Variants in LITAF observed in about 807,000 individuals in gnomAD.
The protein encoded by LITAF is lipopolysaccharide-induced tumor necrosis factor-alpha factor.
LITAF carries 9 observed loss-of-function variants against 14.5 expected under a neutral mutation model. That is an observed-to-expected ratio of 0.62 (90% CI 0.37 to 1.08). The LOEUF (loss-of-function observed/expected upper bound fraction) is 1.08, where lower values mean the gene tolerates loss of function less well. LITAF is among the 50% of genes least tolerant of loss of function. LITAF has a pLI of 0.01. For missense variants in LITAF, 206 were observed against 213.4 expected, an observed-to-expected ratio of 0.97 and a Z score of 0.22; for synonymous variants, 98 against 88.2, an observed-to-expected ratio of 1.11 and a Z score of -0.62.
chr16:11,575,251 G>A (rs2064613396), intron 1 of LITAF, among the ~76,000 whole-genome samples: 1 of 152,158 alleles, frequency 6.6e-6, no homozygotes, highest in African/African-American at 2.4e-5. Flanking sequence ...AACCAACAGG[G>A]GCAGATGTGG....
chr16:11,638,080 A>ATATC (rs770980615), upstream of LITAF, among the ~76,000 whole-genome samples: 9 of 88,842 alleles, frequency 1.0e-4, 1 homozygote, highest in Non-Finnish European at 1.8e-4. Flanking sequence ...ATATATATCT[A>ATATC]TATCTATCTA....
At chr16:11,608,286 G>C (rs963792953) in intron 3 of LITAF, among the ~76,000 whole-genome samples, 1 of 152,220 alleles carries the variant, frequency 6.6e-6, no homozygotes, top group African/African-American at 2.4e-5. Flanking sequence ...TCGTTATGGT[G>C]AGAAGAACGG....
intron 3 of LITAF, among the ~76,000 whole-genome samples, chr16:11,552,655 C>G (rs1293275686): frequency 6.6e-6 from 1 of 152,086 alleles, no homozygotes; most frequent in African/African-American, 2.4e-5. Context: ...GACGGAAGAC[C>G]AATTTCTGGG....
chr16:11,638,945 G>A (rs976535056), upstream of LITAF, among the ~76,000 whole-genome samples: 4 of 151,370 alleles, frequency 2.6e-5, no homozygotes, highest in Non-Finnish European at 4.4e-5. Flanking sequence ...ATTTAAACGC[G>A]TAACAAATTG....
intron 1 of LITAF, among the ~76,000 whole-genome samples, chr16:11,577,582 T>C (rs1383083073): frequency 6.6e-6 from 1 of 151,874 alleles, no homozygotes; most frequent in Non-Finnish European, 1.5e-5. Context: ...CCTCCCGAAG[T>C]GCTGGGATTA....
intron 1 of LITAF, among the ~76,000 whole-genome samples, chr16:11,578,505 T>G (rs2064680199): frequency 6.6e-6 from 1 of 152,168 alleles, no homozygotes; most frequent in Non-Finnish European, 1.5e-5. Context: ...CACTGTAGCC[T>G]GGGCAACAAG....
At chr16:11,626,928 T>C (rs533312664) in intron 3 of LITAF, among the ~76,000 whole-genome samples, 1 of 152,076 alleles carries the variant, frequency 6.6e-6, no homozygotes, top group South Asian at 2.1e-4. Flanking sequence ...CTGCAGCCTC[T>C]ACCTCCCGGG....
At chr16:11,559,479 A>G (rs1276783998) in intron 1 of LITAF, among the ~76,000 whole-genome samples, 1 of 152,186 alleles carries the variant, frequency 6.6e-6, no homozygotes, top group African/African-American at 2.4e-5. Flanking sequence ...TGAACACTGA[A>G]TATAGATCAA....
upstream of LITAF, among the ~76,000 whole-genome samples, chr16:11,591,701 C>T (rs10852339): frequency 0.38 from 56,942 of 151,792 alleles, 11,021 homozygotes; most frequent in East Asian, 0.53. Context: ...AGCGCAGTGG[C>T]GTGATCTTGG....
At chr16:11,596,916 T>G (rs1390857578) in intron 1 of LITAF, among the ~76,000 whole-genome samples, 1 of 152,058 alleles carries the variant, frequency 6.6e-6, no homozygotes, top group Non-Finnish European at 1.5e-5. Context: ...AAAGCACTTT[T>G]ACATCCACCA....
chr16:11,596,120 A>G (rs1034615015), intron 1 of LITAF, among the ~76,000 whole-genome samples: 1 of 152,106 alleles, frequency 6.6e-6, no homozygotes, highest in Admixed American at 6.5e-5. Context: ...AAGCACTGTA[A>G]TTAATGGGTC....
intron 1 of LITAF, among the ~76,000 whole-genome samples, chr16:11,557,074 G>GTTTT (rs112158406): frequency 1.3e-5 from 2 of 149,304 alleles, no homozygotes; most frequent in South Asian, 2.1e-4. Context: ...GTTTTTTTTT[G>GTTTT]TTTGTTTTTT....
chr16:11,635,065 A>G (rs1386228966), intron 2 of LITAF, among the ~76,000 whole-genome samples: 1 of 150,464 alleles, frequency 6.6e-6, no homozygotes, highest in Non-Finnish European at 1.5e-5. Flanking sequence ...AAAATAAAAT[A>G]AAATAAAATA....
intron 3 of LITAF, among the ~76,000 whole-genome samples, chr16:11,613,837 G>A (rs111382197): frequency 4.7e-4 from 72 of 152,292 alleles, no homozygotes; most frequent in African/African-American, 1.7e-3. Flanking sequence ...TCCGAGAGCC[G>A]GCCTCACCCT....
chr16:11,601,540 A>G (rs184209954), upstream of LITAF, among the ~76,000 whole-genome samples: 2 of 152,258 alleles, frequency 1.3e-5, no homozygotes, highest in Non-Finnish European at 2.9e-5. Context: ...ACTGGTTCCT[A>G]CAAGGAAACA....
upstream of LITAF, among the ~76,000 whole-genome samples, chr16:11,602,165 C>T (rs114974254): frequency 5.7e-3 from 860 of 152,154 alleles, 12 homozygotes; most frequent in African/African-American, 0.02. Context: ...AGTTCGAGAC[C>T]AGCCAACATA....
chr16:11,623,675 T>C (rs1213834738), intron 3 of LITAF, among the ~76,000 whole-genome samples: 3 of 142,370 alleles, frequency 2.1e-5, no homozygotes, highest in African/African-American at 7.9e-5. Flanking sequence ...AAAAAAAGGA[T>C]CTCTCTCTTG....
At chr16:11,617,206 C>T (rs2077504304) in intron 3 of LITAF, among the ~76,000 whole-genome samples, 3 of 151,748 alleles carry the variant, frequency 2.0e-5, no homozygotes, top group African/African-American at 4.8e-5. Context: ...GGTGACAGAG[C>T]GAGACTCCAA....
chr16:11,550,392 T>C (rs1382677232), intron 3 of LITAF, among the ~76,000 whole-genome samples: 1 of 151,196 alleles, frequency 6.6e-6, no homozygotes, highest in African/African-American at 2.4e-5. Flanking sequence ...ACCCGGCCCC[T>C]GCTGACATTT....
Sources: gnomAD v4.1 joint callset for allele counts (sites outside exome capture counted in the v4.1 genomes callset) on GRCh38, gnomAD v4.1.1 for gene constraint, MANE v1.5 for transcripts, NCBI Gene and HGNC (gene_info 2026-07-23, HGNC 2026-07-21) for gene names.